ERC1: variants seen among roughly 807,000 people sequenced by gnomAD.
ERC1 encodes RAB6 interacting protein 2.
In ERC1, 56 loss-of-function variants were observed where a neutral mutation model predicts 132.0. The observed-to-expected ratio is 0.42, with a 90% CI of 0.34 to 0.53. The LOEUF is 0.53. Ranked by LOEUF, ERC1 falls within the 20% of genes least tolerant of loss-of-function variation. The pLI, the probability that ERC1 is intolerant of heterozygous loss-of-function variation, is 0.03. For synonymous variants in ERC1, 478 were observed against 476.1 expected (o/e 1.00, Z -0.05); for missense variants, 1,202 against 1,349.9 (o/e 0.89, Z 1.72).
intron 2 of ERC1, among the ~76,000 whole-genome samples, chr12:1,038,298 T>A (rs956971660): frequency 1.3e-5 from 2 of 152,022 alleles, no homozygotes; most frequent in Non-Finnish European, 2.9e-5. Context: ...TCCCTCCCCA[T>A]CTCCTTTCCT....
At chr12:1,231,158 T>TA (rs1236256641) in intron 12 of ERC1, among the ~76,000 whole-genome samples, 1 of 150,576 alleles carries the variant, frequency 6.6e-6, no homozygotes, top group African/African-American at 2.4e-5. Context: ...TTTTTTTTTG[T>TA]AATTGTATGC....
intron 16 of ERC1, among the ~76,000 whole-genome samples, chr12:1,394,244 C>T (rs1354922922): frequency 2.0e-5 from 3 of 146,562 alleles, no homozygotes; most frequent in African/African-American, 7.6e-5. Flanking sequence ...ACTAAAAATA[C>T]AAAAAATTAG....
intron 2 of ERC1, among the ~76,000 whole-genome samples, chr12:1,066,619 G>A (rs1939241321): frequency 6.6e-6 from 1 of 152,006 alleles, no homozygotes; most frequent in African/African-American, 2.4e-5. Context: ...GGTGGATCAC[G>A]TGAGGTCAGG....
intron 2 of ERC1, among the ~76,000 whole-genome samples, chr12:1,037,334 T>C (rs576844812): frequency 6.6e-6 from 1 of 152,242 alleles, no homozygotes; most frequent in Admixed American, 6.5e-5. Context: ...AATTTGCAGA[T>C]AGCATCTTAA....
intron 18 of ERC1, among the ~76,000 whole-genome samples, chr12:1,468,593 C>A (rs2154426568): frequency 6.6e-6 from 1 of 150,960 alleles, no homozygotes; most frequent in Non-Finnish European, 1.5e-5. Flanking sequence ...CAGAGCAAGA[C>A]CCCATCAAAA....
chr12:1,266,307 A>G (rs1359016131), intron 14 of ERC1, among the ~76,000 whole-genome samples: 1 of 141,542 alleles, frequency 7.1e-6, no homozygotes, highest in South Asian at 2.3e-4. Flanking sequence ...AATTGCTTTT[A>G]TGTTTATACT....
chr12:1,055,217 T>TC (rs1251768070), intron 2 of ERC1, among the ~76,000 whole-genome samples: 1 of 152,152 alleles, frequency 6.6e-6, no homozygotes, highest in African/African-American at 2.4e-5. Context: ...TCTCACTCTA[T>TC]CACCCAGGCT....
At chr12:1,243,218 AAG>A (rs1165109618) in intron 13 of ERC1, among the ~76,000 whole-genome samples, 7 of 152,014 alleles carry the variant, frequency 4.6e-5, no homozygotes, top group Non-Finnish European at 1.0e-4. Flanking sequence ...AAAAAAAAAA[AAG>A]AAATCGAGAG....
chr12:1,283,854 C>A (rs913677483), intron 14 of ERC1, among the ~76,000 whole-genome samples: 9 of 152,230 alleles, frequency 5.9e-5, no homozygotes, highest in Middle Eastern at 6.8e-3. Context: ...GTGTAATGAT[C>A]AAATCTGGGT....
chr12:1,369,404 G>A (rs11061714), intron 15 of ERC1, among the ~76,000 whole-genome samples: 72,717 of 151,998 alleles, frequency 0.48, 18,961 homozygotes, highest in African/African-American at 0.69. Context: ...AAGTCTGATC[G>A]CCTTTGTATT....
At chr12:1,203,533 C>G (rs1035849224) in intron 12 of ERC1, among the ~76,000 whole-genome samples, 1 of 152,158 alleles carries the variant, frequency 6.6e-6, no homozygotes, top group African/African-American at 2.4e-5. Flanking sequence ...TATACTTTTG[C>G]AAGACATCAC....
At chr12:1,400,656 A>C (rs896366999) in intron 16 of ERC1, among the ~76,000 whole-genome samples, 1 of 151,984 alleles carries the variant, frequency 6.6e-6, no homozygotes, top group Non-Finnish European at 1.5e-5. Flanking sequence ...GTCTATTTCT[A>C]TTTGTCCCAC....
chr12:1,110,989 C>G (rs1310424551), intron 5 of ERC1, among the ~76,000 whole-genome samples: 2 of 152,072 alleles, frequency 1.3e-5, no homozygotes, highest in Non-Finnish European at 2.9e-5. Context: ...CAGACGTGAG[C>G]CACCGTGCCC....
intron 16 of ERC1, among the ~76,000 whole-genome samples, chr12:1,387,728 G>A (rs2154381197): frequency 6.6e-6 from 1 of 152,318 alleles, no homozygotes; most frequent in Middle Eastern, 3.4e-3. Context: ...AGGGAACATG[G>A]CCCTGCCAAC....
intron 18 of ERC1, among the ~76,000 whole-genome samples, chr12:1,467,663 A>T (rs1474358238): frequency 1.3e-5 from 2 of 152,326 alleles, no homozygotes; most frequent in East Asian, 3.9e-4. Context: ...TTTATTGTGC[A>T]CTTTATTTCT....
chr12:1,313,551 A>G (rs983387613), intron 15 of ERC1, among the ~76,000 whole-genome samples: 41 of 152,240 alleles, frequency 2.7e-4, no homozygotes, highest in African/African-American at 9.4e-4. Flanking sequence ...GCACTAACCA[A>G]CCACCAAAAA....
At chr12:1,065,480 T>TGTGTGTG (rs1938951655) in intron 2 of ERC1, among the ~76,000 whole-genome samples, 33 of 125,014 alleles carry the variant, frequency 2.6e-4, no homozygotes, top group South Asian at 5.8e-4. Context: ...TTTGTACCGT[T>TGTGTGTG]TGTGTGTGTG....
intron 15 of ERC1, among the ~76,000 whole-genome samples, chr12:1,363,794 G>A (rs1204050570): frequency 1.3e-5 from 2 of 152,046 alleles, no homozygotes; most frequent in Non-Finnish European, 2.9e-5. Context: ...GGGCTCAAGT[G>A]ATCCACCCGC....
chr12:1,401,003 T>C (rs2091009762), intron 16 of ERC1, among the ~76,000 whole-genome samples: 1 of 127,152 alleles, frequency 7.9e-6, no homozygotes, highest in African/African-American at 2.9e-5. Context: ...TGGCGTGATC[T>C]GGGCTCACTG....
Sources: gnomAD v4.1 joint callset for allele counts (sites outside exome capture counted in the v4.1 genomes callset) on GRCh38, gnomAD v4.1.1 for gene constraint, MANE v1.5 for transcripts, NCBI Gene and HGNC (gene_info 2026-07-23, HGNC 2026-07-21) for gene names.